The following CDH2 variants were observed in gnomAD, a reference collection of about 807,000 sequenced individuals.
The protein encoded by CDH2 is cadherin-2.
CDH2 carries 17 observed loss-of-function variants against 92.0 expected under a neutral mutation model. That is an observed-to-expected ratio of 0.18 (90% CI 0.13 to 0.28). The LOEUF (loss-of-function observed/expected upper bound fraction) is 0.28. CDH2 is among the 10% of genes least tolerant of loss of function. The pLI is 1.00. For missense variants in CDH2, 862 were observed against 1,133.1 expected (o/e 0.76, Z 3.44); for synonymous variants, 419 against 415.9 (o/e 1.01, Z -0.09).
chr18:28,002,111 C>T (rs1008334419), intron 7 of CDH2, among the ~76,000 whole-genome samples: 5 of 152,020 alleles, frequency 3.3e-5, no homozygotes, highest in Non-Finnish European at 7.4e-5. Flanking sequence ...AGGACAGAAT[C>T]GAGAAAGGAT....
intron 2 of CDH2, among the ~76,000 whole-genome samples, chr18:28,128,886 A>AT (rs2015721121): frequency 6.6e-6 from 1 of 152,104 alleles, no homozygotes; most frequent in Non-Finnish European, 1.5e-5. Context: ...CATCCTATTT[A>AT]TTTTTTTCTG....
intron 15 of CDH2, among the ~76,000 whole-genome samples, chr18:27,957,547 C>T (rs1598987067): frequency 2.0e-5 from 3 of 152,148 alleles, no homozygotes; most frequent in African/African-American, 2.4e-5. Context: ...CTGCTGTGCC[C>T]GGCCTCATCT....
chr18:27,999,310 A>G (rs2012686973), intron 7 of CDH2, among the ~76,000 whole-genome samples: 1 of 152,106 alleles, frequency 6.6e-6, no homozygotes, highest in Admixed American at 6.5e-5. Flanking sequence ...GCACTATTAA[A>G]AAGCTCTAAC....
chr18:28,176,995 T>A lies in CDH2; in HGVS notation c.28A>T (p.Thr10Ser), dbSNP rs879030779. Residue 10 changes from threonine (T) to serine (S), a missense_variant, in exon 1 of 16, where the codon ACC becomes TCC. By Grantham distance (58) the Thr-to-Ser change is moderately conservative (BLOSUM62 1). This residue lies in a region of CDH2 where 159 missense variants were observed against 177.2 expected (regional missense o/e 0.90). Transcript: ENST00000269141. MCRIAGALR[T>S]LLPLLAALLQ... ...AGGGCCGCCAGCAGCGGCAGCAGGG[T>A]CCGCAGCGCTCCCGCTATCCGGCAC... The A allele has an allele frequency of 3.4e-6, 5 of 1,476,696 alleles. No individual in the cohort carries two copies. Among genetic ancestry groups the A allele is most frequent in the Non-Finnish European group, 4.5e-6 (5 of 1,116,418 alleles). 91.5% of individuals were successfully genotyped at this position (1,476,696 alleles called of 1,614,324 possible).
intron 15 of CDH2, among the ~76,000 whole-genome samples, chr18:27,960,801 C>T (rs1404830159): frequency 6.6e-6 from 1 of 152,092 alleles, no homozygotes; most frequent in East Asian, 1.9e-4. Flanking sequence ...TTCTGGAAGT[C>T]AATTTGCAGT....
At chr18:28,009,907 G>C (rs201714576) in intron 4 of CDH2, 35 bp from the exon 5 acceptor site, 8 of 1,540,404 alleles carry the variant, frequency 5.2e-6, no homozygotes, top group Non-Finnish European at 7.1e-6. Flanking sequence ...TTAAGTGAGA[G>C]ACTAAATGAG....
chr18:28,175,198 G>A (rs545208343), intron 1 of CDH2, among the ~76,000 whole-genome samples: 2 of 152,284 alleles, frequency 1.3e-5, no homozygotes, highest in East Asian at 3.9e-4. Flanking sequence ...GTTAGCAAGT[G>A]ACTGGCAGGT....
At chr18:27,963,881 A>C (rs1307403779) in intron 14 of CDH2, among the ~76,000 whole-genome samples, 1 of 152,116 alleles carries the variant, frequency 6.6e-6, no homozygotes, top group African/African-American at 2.4e-5. Context: ...TATTTTTTTA[A>C]AACGAGGGTG....
intron 2 of CDH2, among the ~76,000 whole-genome samples, chr18:28,016,210 T>G (rs957491876): frequency 6.6e-6 from 1 of 152,238 alleles, no homozygotes; most frequent in Non-Finnish European, 1.5e-5. Flanking sequence ...TGGTTATTAA[T>G]AATTTCATAT....
chr18:27,944,933 C>T (rs1051699336), intron 6 of CDH2, among the ~76,000 whole-genome samples: 2 of 152,004 alleles, frequency 1.3e-5, no homozygotes, highest in African/African-American at 4.8e-5. Context: ...CTGTAATTCT[C>T]ATGTAGGCTT....
chr18:28,162,577 C>T lies in CDH2; in HGVS notation c.60+14386G>A, dbSNP rs79588516. Among the ~76,000 whole-genome samples, 258 of 152,172 alleles carry T rather than the reference C, an allele frequency of 1.7e-3. 1 individual carries two copies. Among genetic ancestry groups the T allele is most frequent in the Non-Finnish European group, 2.9e-3 (198 of 68,024 alleles). ...CTGTTAGATTTTCCCATTCTTAAGC[C>T]GAGTTTGCTCCATGAAACTGAGATC... On this transcript the variant is annotated intron_variant, in intron 1 of 15. Coordinates refer to ENST00000269141, the MANE Select transcript of CDH2 (RefSeq NM_001792.5).
intron 1 of CDH2, 86 bp from the exon 2 acceptor site, chr18:28,147,870 ATTT>A (rs1412967387): frequency 1.3e-6 from 1 of 748,624 alleles, no homozygotes; most frequent in Admixed American, 2.5e-5. Context: ...ATAAAGCCTC[ATTT>A]TTTCAACTAT....
At chr18:28,018,896 CATAT>C (rs935064016) in intron 2 of CDH2, among the ~76,000 whole-genome samples, 1 of 145,656 alleles carries the variant, frequency 6.9e-6, no homozygotes, top group Admixed American at 6.9e-5. Context: ...TATATATGTA[CATAT>C]ATATGTGTGT....
chr18:28,092,400 A>C (rs906691945), intron 2 of CDH2, among the ~76,000 whole-genome samples: 1 of 152,188 alleles, frequency 6.6e-6, no homozygotes, highest in African/African-American at 2.4e-5. Flanking sequence ...TATGAAATGA[A>C]ACAAATAAGT....
chr18:28,010,852 G>A (rs1189951553), intron 4 of CDH2, among the ~76,000 whole-genome samples: 74 of 151,070 alleles, frequency 4.9e-4, no homozygotes, highest in South Asian at 2.1e-4. Flanking sequence ...GGGTTTCATC[G>A]TGTTAGTCAG....
At chr18:28,079,285 G>T (rs1343599048) in intron 2 of CDH2, among the ~76,000 whole-genome samples, 1 of 151,860 alleles carries the variant, frequency 6.6e-6, no homozygotes, top group Non-Finnish European at 1.5e-5. Flanking sequence ...TTTTTCTATT[G>T]CTTTCTTTAA....
At chr18:27,977,096 C>A (rs768297326) in intron 14 of CDH2, among the ~76,000 whole-genome samples, 46 of 151,908 alleles carry the variant, frequency 3.0e-4, no homozygotes, top group Middle Eastern at 3.4e-3. Flanking sequence ...TACTAACCAG[C>A]AAAAAAAGCC....
intron 2 of CDH2, among the ~76,000 whole-genome samples, chr18:28,099,668 TA>T (rs1352686309): frequency 6.6e-6 from 1 of 151,622 alleles, no homozygotes; most frequent in Non-Finnish European, 1.5e-5. Context: ...CATATAAAGA[TA>T]AAAAATTAAA....
chr18:28,135,273 A>G (rs1370819739), intron 2 of CDH2, among the ~76,000 whole-genome samples: 2 of 152,218 alleles, frequency 1.3e-5, no homozygotes, highest in Non-Finnish European at 2.9e-5. Context: ...TCAATGTATC[A>G]TTGCTGAAAT....
Sources: gnomAD v4.1 joint callset for allele counts (sites outside exome capture counted in the v4.1 genomes callset) on GRCh38, gnomAD v4.1.1 for gene constraint, gnomAD v4.1.1 regional missense constraint, MANE v1.5 for transcripts, NCBI Gene and HGNC (gene_info 2026-07-23, HGNC 2026-07-21) for gene names.